HNRNPC: variants seen among roughly 807,000 people sequenced by gnomAD.
The protein encoded by HNRNPC is heterogeneous nuclear ribonucleoproteins C1/C2.
HNRNPC carries 3 observed loss-of-function variants against 33.2 expected under a neutral mutation model. The observed-to-expected ratio is 0.09, with a 90% confidence interval of 0.04 to 0.23. The LOEUF (loss-of-function observed/expected upper bound fraction) is 0.23. HNRNPC is among the 10% of genes least tolerant of loss of function. HNRNPC has a pLI of 1.00. For synonymous variants in HNRNPC, 121 were observed against 126.7 expected, an observed-to-expected ratio of 0.96 and a Z score of 0.30; for missense variants, 143 against 366.7, an observed-to-expected ratio of 0.39 and a Z score of 4.98.
chr14:21,212,168 G>A (rs76386361), intron 6 of HNRNPC, among the ~76,000 whole-genome samples: 27 of 152,186 alleles, frequency 1.8e-4, no homozygotes, highest in Non-Finnish European at 3.8e-4. Context: ...TGAGGACAGT[G>A]ACTATTCACA....
intron 5 of HNRNPC, among the ~76,000 whole-genome samples, chr14:21,229,226 T>TA (rs747544453): frequency 1.3e-5 from 2 of 151,168 alleles, no homozygotes; most frequent in African/African-American, 4.9e-5. Context: ...CCGTCTCTAC[T>TA]AAAAATACAA....
At chr14:21,238,011 T>G (rs1332996722) in intron 2 of HNRNPC, among the ~76,000 whole-genome samples, 1 of 152,204 alleles carries the variant, frequency 6.6e-6, no homozygotes, top group Non-Finnish European at 1.5e-5. Flanking sequence ...CCTCAGGTGA[T>G]CCGCCTGCCT....
intron 6 of HNRNPC, 62 bp downstream of exon 6, chr14:21,212,898 C>G: frequency 6.3e-7 from 1 of 1,584,174 alleles, no homozygotes; most frequent in Non-Finnish European, 8.7e-7. Context: ...ATTGTAACTG[C>G]ATTAGCTTCC....
chr14:21,215,368 G>A (rs1041790980), intron 5 of HNRNPC, among the ~76,000 whole-genome samples: 1 of 152,140 alleles, frequency 6.6e-6, no homozygotes, highest in Non-Finnish European at 1.5e-5. Context: ...TCAAGCACCA[G>A]CTAAAAATTA....
At chr14:21,247,186 CTTG>C (rs1896074460) in intron 2 of HNRNPC, among the ~76,000 whole-genome samples, 2 of 152,106 alleles carry the variant, frequency 1.3e-5, no homozygotes, top group Non-Finnish European at 2.9e-5. Context: ...TTTGACAACT[CTTG>C]TTGGACTTTT....
At chr14:21,229,585 T>C (rs1594241134) in intron 5 of HNRNPC, among the ~76,000 whole-genome samples, 1 of 152,316 alleles carries the variant, frequency 6.6e-6, no homozygotes, top group East Asian at 1.9e-4. Flanking sequence ...AAGTCTATAC[T>C]TTCATGTCTG....
chr14:21,222,259 G>T (rs1892909012), intron 5 of HNRNPC, among the ~76,000 whole-genome samples: 2 of 152,152 alleles, frequency 1.3e-5, no homozygotes, highest in African/African-American at 2.4e-5. Context: ...TTAGCTGTTG[G>T]TCAGGTTGAC....
intron 2 of HNRNPC, among the ~76,000 whole-genome samples, chr14:21,260,582 G>C: frequency 6.6e-6 from 1 of 151,912 alleles, no homozygotes; most frequent in East Asian, 1.9e-4. Context: ...ACTTCAGGAG[G>C]CTGAGGCGGG....
At chr14:21,255,002 T>G (rs186004138) in intron 2 of HNRNPC, among the ~76,000 whole-genome samples, 1 of 151,976 alleles carries the variant, frequency 6.6e-6, no homozygotes, top group African/African-American at 2.4e-5. Flanking sequence ...TTCCACAAAC[T>G]TAAGGGTAAT....
At chr14:21,235,336 A>C (rs1200871654) in intron 2 of HNRNPC, among the ~76,000 whole-genome samples, 1 of 152,174 alleles carries the variant, frequency 6.6e-6, no homozygotes, top group Non-Finnish European at 1.5e-5. Flanking sequence ...CCTCAAGTGA[A>C]TCATGACAAA....
Position 21,211,206 on chromosome 14 carries a change from T to C in HNRNPC, c.*17A>G, listed in dbSNP as rs189303190. The C allele has an allele frequency of 1.2e-6, 2 of 1,611,714 alleles. No individual in the cohort carries two copies. Among genetic ancestry groups the C allele is most frequent in the African/African-American group, 1.3e-5 (1 of 74,928 alleles). On this transcript the variant is annotated 3_prime_UTR_variant, in exon 9 of 9. Transcript: ENST00000553300. ...TAAAGAAATAATGGGATAAGATTTC[T>C]AAACCCCACTATGTGCTTAAGAGTC...
intron 3 of HNRNPC, among the ~76,000 whole-genome samples, chr14:21,232,475 T>C (rs1301946355): frequency 1.3e-5 from 2 of 151,976 alleles, no homozygotes; most frequent in Non-Finnish European, 2.9e-5. Context: ...GTTCAAGCAA[T>C]TCTCCTGCCT....
At chr14:21,223,959 ATC>A (rs1413587921) in intron 5 of HNRNPC, among the ~76,000 whole-genome samples, 3 of 152,146 alleles carry the variant, frequency 2.0e-5, no homozygotes, top group Non-Finnish European at 4.4e-5. Flanking sequence ...TCTGAGAGTC[ATC>A]TGTTAGCTTT....
At chr14:21,228,902 T>G (rs190959566) in intron 5 of HNRNPC, among the ~76,000 whole-genome samples, 2 of 148,448 alleles carry the variant, frequency 1.3e-5, no homozygotes, top group African/African-American at 5.0e-5. Context: ...CTGGCCAACA[T>G]GGTGAAACCC....
chr14:21,232,064 C>T (rs1195993885), intron 3 of HNRNPC, among the ~76,000 whole-genome samples: 1 of 152,024 alleles, frequency 6.6e-6, no homozygotes, highest in Non-Finnish European at 1.5e-5. Context: ...CCTTTACACA[C>T]ACCAAAAAAA....
intron 5 of HNRNPC, among the ~76,000 whole-genome samples, chr14:21,226,192 T>C (rs1446251889): frequency 6.6e-6 from 1 of 151,438 alleles, no homozygotes; most frequent in Non-Finnish European, 1.5e-5. Context: ...TGTGGTGGTG[T>C]GCACCTGTAA....
chr14:21,226,933 T>A (rs1417662684), intron 5 of HNRNPC, among the ~76,000 whole-genome samples: 5 of 145,404 alleles, frequency 3.4e-5, no homozygotes, highest in African/African-American at 1.3e-4. Context: ...CCGATTTACA[T>A]ATGAAGACCC....
chr14:21,246,539 C>A lies in HNRNPC; in HGVS notation c.-36-12310G>T, dbSNP rs565630793. 2.5e-3 allele frequency among the ~76,000 whole-genome samples: 383 copies of A among 150,884 alleles called. 2 individuals are homozygous for A. The highest frequency in any genetic ancestry group is 8.8e-3 in the African/African-American group (359 of 40,906). On this transcript the variant is annotated intron_variant, in intron 2 of 8. Transcript: ENST00000553300. ...TGGAGATTGCGCCACTGCACTCCAG[C>A]CTGGGAGACAGAGTGAGACTCCGTC...
At chr14:21,226,890 A>AG (rs1566608792) in intron 5 of HNRNPC, among the ~76,000 whole-genome samples, 8 of 108,912 alleles carry the variant, frequency 7.3e-5, no homozygotes, top group Non-Finnish European at 9.2e-5. Context: ...AAAAAAAAAA[A>AG]AAAAAGGGGG....
Sources: gnomAD v4.1 joint callset for allele counts (sites outside exome capture counted in the v4.1 genomes callset) on GRCh38, gnomAD v4.1.1 for gene constraint, MANE v1.5 for transcripts, NCBI Gene and HGNC (gene_info 2026-07-23, HGNC 2026-07-21) for gene names.